DIO2: variants seen among roughly 807,000 people sequenced by gnomAD.
DIO2 encodes the protein iodothyronine deiodinase 2.
DIO2 carries 19 observed loss-of-function variants against 21.4 expected under a neutral mutation model. The observed-to-expected ratio is 0.89, with a 90% CI of 0.62 to 1.30. DIO2 has a LOEUF of 1.30. Ranked by LOEUF, DIO2 falls within the 50% of genes most tolerant of loss-of-function variation. The probability of loss-of-function intolerance (pLI) is 0.00; values close to 1 mark genes in which losing one functional copy is unlikely to be tolerated. For synonymous variants in DIO2, 122 were observed against 132.9 expected (o/e 0.92, Z 0.57); for missense variants, 302 against 338.1 (o/e 0.89, Z 0.84).
At chr14:80,205,829 T>C in intron 1 of DIO2, 1 of 661,952 alleles carries the variant, frequency 1.5e-6, no homozygotes. Context: ...GACTGGGAAG[T>C]ATTTATTTTA....
In DIO2 at chr14:80,201,164, A is replaced by G. The variant is rs1359901606; in HGVS notation, c.*1525T>C. Reference sequence around the variant, plus strand: ...AAAGAAAAAAATATTTTATATATATATTTTTTAAAATAGCATTATAATCAT... The same window carrying G: ...AAAGAAAAAAATATTTTATATATATGTTTTTTAAAATAGCATTATAATCAT... On this transcript the variant is annotated 3_prime_UTR_variant, in exon 2 of 2. Coordinates refer to ENST00000438257, the MANE Select transcript of DIO2 (RefSeq NM_013989.5). 1 of 150,948 alleles carries G rather than the reference A, an allele frequency of 6.6e-6. No homozygotes were observed. The highest frequency in any genetic ancestry group is 1.5e-5 in the Non-Finnish European group (1 of 67,752). The allele number at this position is 150,948 out of a possible 1,614,324, so 9.4% of individuals were successfully genotyped here.
Position 80,198,120 on chromosome 14 carries a change from T to A in DIO2, c.*4569A>T, listed in dbSNP as rs1023131266. On this transcript the variant is annotated 3_prime_UTR_variant, in exon 2 of 2. Coordinates refer to ENST00000438257, the MANE Select transcript of DIO2 (RefSeq NM_013989.5). ...CCCTTCTGTGGGTTTCTTTCATTTA[T>A]GTGTTTACCTGTTGGCTTTTTGAGG... 2.6e-5 allele frequency: 4 copies of A among 152,626 alleles called. No homozygotes were observed. The highest frequency in any genetic ancestry group is 1.3e-4 in the Admixed American group (2 of 15,282). 9.5% of individuals were successfully genotyped at this position (152,626 alleles called of 1,614,324 possible). A position where few individuals can be genotyped will look rare whatever the true frequency, so the allele number is the denominator to read the frequency against.
intron 2 of DIO2, among the ~76,000 whole-genome samples, chr14:80,218,238 CA>C (rs11345521): frequency 0.17 from 24,593 of 146,780 alleles, 2,767 homozygotes; most frequent in African/African-American, 0.32. Flanking sequence ...AACAAACAAA[CA>C]AAAAAAAAAC....
At chr14:80,215,426 A>G (rs1233359745), upstream of DIO2, among the ~76,000 whole-genome samples, 3 of 152,294 alleles carry the variant, frequency 2.0e-5, no homozygotes, top group Admixed American at 6.5e-5. Flanking sequence ...GATAATCTGA[A>G]AGCAGACTTG....
chr14:80,208,604 T>C (rs369572587), intron 1 of DIO2, among the ~76,000 whole-genome samples: 1 of 152,144 alleles, frequency 6.6e-6, no homozygotes, highest in African/African-American at 2.4e-5. Flanking sequence ...TGGGGATGGG[T>C]AGCCTCAAAA....
chr14:80,219,905 T>C (rs531794113), intron 2 of DIO2, among the ~76,000 whole-genome samples: 1 of 152,332 alleles, frequency 6.6e-6, no homozygotes, highest in East Asian at 1.9e-4. Context: ...TAACATTTTA[T>C]TATAAATCAC....
Position 80,203,218 on chromosome 14 carries a change from C to G in DIO2, c.293G>C (p.Ser98Thr), listed in dbSNP as rs1887812615. The change falls in exon 2 of 2, where the codon AGT (serine) becomes ACT (threonine). Residue 98 changes from serine (S) to threonine (T), a missense_variant. Ser to Thr is a moderately conservative substitution (Grantham distance 58). Coordinates refer to ENST00000438257, the MANE Select transcript of DIO2 (RefSeq NM_013989.5). Reference protein sequence around the residue: ...HVSSTEGGDNSGNGTQEKIAE... With the variant: ...HVSSTEGGDNTGNGTQEKIAE... The stretch of plus-strand genomic sequence containing the variant: ...TATCTTCTCCTGGGTACCATTGCCA[C>G]TGTTGTCACCTCCTTCTGTACTGGA... 6.2e-7 allele frequency: 1 copy of G among 1,609,170 alleles called. No individual in the cohort carries two copies. The highest frequency in any genetic ancestry group is 8.5e-7 in the Non-Finnish European group (1 of 1,177,974).
Position 80,198,729 on chromosome 14 carries a change from C to G in DIO2, c.*3960G>C, listed in dbSNP as rs1887585156. ...AGTGAAGGAGGAAGTTGGAATCTAA[C>G]TATATATATTTTAACTCTGACTTTT... On this transcript the variant is annotated 3_prime_UTR_variant, in exon 2 of 2. Transcript: ENST00000438257. 1 of 136,868 alleles carries G rather than the reference C, an allele frequency of 7.3e-6. No individual in the cohort carries two copies. Among genetic ancestry groups the G allele is most frequent in the South Asian group, 2.3e-4 (1 of 4,288 alleles). The allele number at this position is 136,868 out of a possible 1,614,324, so 8.5% of individuals were successfully genotyped here. A position where few individuals can be genotyped will look rare whatever the true frequency, so the allele number is the denominator to read the frequency against.
intron 2 of DIO2, among the ~76,000 whole-genome samples, chr14:80,229,731 A>C (rs896131835): frequency 6.6e-6 from 1 of 152,176 alleles, no homozygotes; most frequent in African/African-American, 2.4e-5. Flanking sequence ...TAGCTCCCAG[A>C]GCTGCAACAT....
At chr14:80,212,422 C>G (rs1268127955), upstream of DIO2, among the ~76,000 whole-genome samples, 1 of 151,908 alleles carries the variant, frequency 6.6e-6, no homozygotes, top group Non-Finnish European at 1.5e-5. Context: ...CCCTTGACAG[C>G]CTTCAGGAAA....
rs538974187 is a variant in DIO2 at position 80,217,106 on chromosome 14, T to C, written c.-277-369A>G. 2.0e-5 allele frequency among the ~76,000 whole-genome samples: 3 copies of C among 152,178 alleles called. No individual in the cohort carries two copies. In the South Asian group the frequency reaches 6.2e-4, roughly 32 times the overall value. ...TACACTAAGTAAGGCTCAAAGAAAA[T>C]AAACTAGATATTCTATTCTAACCTC... On this transcript the variant is annotated intron_variant, in intron 2 of 4. Transcript: ENST00000553594.
intron 1 of DIO2, 40 bp downstream of exon 1, chr14:80,211,211 C>G: frequency 6.4e-7 from 1 of 1,574,636 alleles, no homozygotes; most frequent in South Asian, 1.1e-5. Flanking sequence ...AGCCCCTGCC[C>G]CTGTAGACCT....
At chr14:80,213,681 G>A (rs1888281674), upstream of DIO2, among the ~76,000 whole-genome samples, 2 of 151,954 alleles carry the variant, frequency 1.3e-5, no homozygotes, top group Admixed American at 1.3e-4. Flanking sequence ...TGAATGAACA[G>A]GGCATGTAGA....
At chr14:80,219,796 C>A (rs1299633909) in intron 2 of DIO2, among the ~76,000 whole-genome samples, 1 of 152,174 alleles carries the variant, frequency 6.6e-6, no homozygotes, top group Non-Finnish European at 1.5e-5. Context: ...AGAAAATGCA[C>A]AGGTCCAGCT....
At chr14:80,210,966 G>A (rs760999064) in intron 1 of DIO2, among the ~76,000 whole-genome samples, 1 of 152,088 alleles carries the variant, frequency 6.6e-6, no homozygotes, top group East Asian at 1.9e-4. Context: ...CCAAGTTATC[G>A]TACCAGCACA....
chr14:80,210,962 T>A (rs922666800), intron 1 of DIO2, among the ~76,000 whole-genome samples: 4 of 152,196 alleles, frequency 2.6e-5, no homozygotes, highest in African/African-American at 4.8e-5. Context: ...TTTCCCAAGT[T>A]ATCGTACCAG....
At chr14:80,222,886 C>G (rs1236491856) in intron 2 of DIO2, among the ~76,000 whole-genome samples, 1 of 142,708 alleles carries the variant, frequency 7.0e-6, no homozygotes, top group Admixed American at 7.0e-5. Flanking sequence ...GAGACAGGGT[C>G]TTGCTTCATT....
chr14:80,220,365 G>C (rs1218845260), intron 2 of DIO2, among the ~76,000 whole-genome samples: 1 of 152,184 alleles, frequency 6.6e-6, no homozygotes, highest in East Asian at 1.9e-4. Context: ...AGGTGTTACA[G>C]AGCATGGGAA....
intron 2 of DIO2, among the ~76,000 whole-genome samples, chr14:80,228,253 C>A (rs1888614991): frequency 6.6e-6 from 1 of 152,212 alleles, no homozygotes; most frequent in South Asian, 2.1e-4. Context: ...CAGCTGAAAG[C>A]AAATTGCTTC....
Sources: gnomAD v4.1 joint callset for allele counts (sites outside exome capture counted in the v4.1 genomes callset) on GRCh38, gnomAD v4.1.1 for gene constraint, MANE v1.5 for transcripts, NCBI Gene and HGNC (gene_info 2026-07-23, HGNC 2026-07-21) for gene names.